ZC4H2: variants seen among roughly 807,000 people sequenced by gnomAD.
ZC4H2 encodes the protein zinc finger C4H2 domain-containing protein.
For missense variants in ZC4H2, 137 were observed against 173.9 expected, an observed-to-expected ratio of 0.79 and a Z score of 1.19; for synonymous variants, 84 against 66.3, an observed-to-expected ratio of 1.27 and a Z score of -1.30.
intron 1 of ZC4H2, among the ~76,000 whole-genome samples, chrX:65,028,311 A>G (rs1301801091): frequency 2.7e-5 from 3 of 111,995 alleles, no homozygotes; most frequent in African/African-American, 9.8e-5. Flanking sequence ...TCTAAGCATT[A>G]GAGATACAGC....
rs368386157 is a variant in ZC4H2 at position 64,933,406 on chromosome X, C to G, written c.54-11418G>C. ...TCCAATGCTGGGGAGCTAGTAGGAT[C>G]TTTTCAGGATGATTTAGAACCCTGT... On this transcript the variant is annotated intron_variant, in intron 1 of 4. Coordinates refer to ENST00000374839, the MANE Select transcript of ZC4H2 (RefSeq NM_018684.4). 1.5e-3 allele frequency among the ~76,000 whole-genome samples: 173 copies of G among 111,856 alleles called. 2 individuals carry two copies. The South Asian group carries it at 0.06, about 39-fold the overall frequency.
chrX:64,935,733 C>T (rs1274600892), intron 1 of ZC4H2, among the ~76,000 whole-genome samples: 1 of 111,781 alleles, frequency 8.9e-6, no homozygotes, highest in Non-Finnish European at 1.9e-5. Context: ...AGCAGAGGGG[C>T]CCGACTGTTA....
chrX:64,948,375 G>C (rs1930638769), intron 1 of ZC4H2, among the ~76,000 whole-genome samples: 1 of 111,456 alleles, frequency 9.0e-6, no homozygotes, highest in African/African-American at 3.3e-5. Flanking sequence ...ATTGGCTTCT[G>C]GATATTCATG....
chrX:64,964,039 G>A (rs752530221), intron 1 of ZC4H2, among the ~76,000 whole-genome samples: 2 of 110,445 alleles, frequency 1.8e-5, no homozygotes, highest in Admixed American at 1.9e-4. Context: ...CTGAAGGAGG[G>A]GGAAACGTAG....
chrX:65,006,272 C>A (rs1177884836), intron 1 of ZC4H2, among the ~76,000 whole-genome samples: 2 of 111,621 alleles, frequency 1.8e-5, no homozygotes, highest in East Asian at 2.8e-4. Flanking sequence ...ATATTTATTG[C>A]AGCACTATTT....
At chrX:64,989,235 GT>G (rs1218244472) in intron 1 of ZC4H2, among the ~76,000 whole-genome samples, 1 of 111,972 alleles carries the variant, frequency 8.9e-6, no homozygotes, top group Non-Finnish European at 1.9e-5. Flanking sequence ...CTTTAAAGTA[GT>G]TTTTTCCAAT....
chrX:64,958,046 C>T (rs1256718293), intron 1 of ZC4H2, among the ~76,000 whole-genome samples: 1 of 110,684 alleles, frequency 9.0e-6, no homozygotes, highest in Non-Finnish European at 1.9e-5. Context: ...CAGCCTGAAC[C>T]TGTTTTACAG....
chrX:64,941,491 C>T (rs1363754488), intron 1 of ZC4H2, among the ~76,000 whole-genome samples: 3 of 111,881 alleles, frequency 2.7e-5, no homozygotes, highest in Non-Finnish European at 5.6e-5. Flanking sequence ...GGGAATGCTT[C>T]CAGCTTTTGC....
intron 1 of ZC4H2, among the ~76,000 whole-genome samples, chrX:65,007,010 A>G (rs1171553388): frequency 8.9e-6 from 1 of 112,337 alleles, no homozygotes; most frequent in Admixed American, 9.4e-5. Flanking sequence ...TAAACCAGCT[A>G]TACTTTACTA....
rs779985934 is a variant in ZC4H2 at position 64,961,700 on chromosome X, G to T, written c.53+14625C>A. Among the ~76,000 whole-genome samples, 8 of 110,603 alleles carry T rather than the reference G, an allele frequency of 7.2e-5. No homozygotes were observed. In the South Asian group the frequency reaches 1.9e-3, roughly 26 times the overall value. On this transcript the variant is annotated intron_variant, in intron 1 of 4. Coordinates refer to ENST00000374839, the MANE Select transcript of ZC4H2 (RefSeq NM_018684.4). ...AGCTAGACTAAGAGAAAATAGAAAA[G>T]AATCAACTAATTGAAATCAGAGATG...
intron 1 of ZC4H2, among the ~76,000 whole-genome samples, chrX:64,983,434 C>T (rs1237156954): frequency 9.0e-6 from 1 of 111,480 alleles, no homozygotes; most frequent in Non-Finnish European, 1.9e-5. Context: ...TCCTATTATC[C>T]TCTAAATCAC....
At chrX:65,027,146 A>G (rs776931161) in intron 1 of ZC4H2, among the ~76,000 whole-genome samples, 3 of 112,404 alleles carry the variant, frequency 2.7e-5, no homozygotes, top group Admixed American at 9.5e-5. Flanking sequence ...GGTGATGCTC[A>G]GCACAGAATT....
chrX:64,992,617 C>T (rs1481973912), intron 1 of ZC4H2, among the ~76,000 whole-genome samples: 1 of 111,374 alleles, frequency 9.0e-6, no homozygotes, highest in Non-Finnish European at 1.9e-5. Context: ...TTCCCTAATT[C>T]GGACTTGCCT....
intron 1 of ZC4H2, among the ~76,000 whole-genome samples, chrX:64,942,979 C>G (rs1274862165): frequency 1.8e-5 from 2 of 112,284 alleles, no homozygotes; most frequent in African/African-American, 6.5e-5. Context: ...TCCACATCCT[C>G]TACTGCGTCT....
chrX:64,953,523 A>T (rs1930975810), intron 1 of ZC4H2, among the ~76,000 whole-genome samples: 1 of 112,417 alleles, frequency 8.9e-6, no homozygotes, highest in African/African-American at 3.2e-5. Flanking sequence ...ATATGAACAG[A>T]CACTTCTCAA....
chrX:64,951,797 T>G (rs972182544), intron 1 of ZC4H2, among the ~76,000 whole-genome samples: 1 of 111,158 alleles, frequency 9.0e-6, no homozygotes, highest in Non-Finnish European at 1.9e-5. Context: ...AGAAGCTCTT[T>G]AGTTTAATTA....
At chrX:64,982,727 C>T (rs1334997354) in intron 1 of ZC4H2, among the ~76,000 whole-genome samples, 11 of 111,508 alleles carry the variant, frequency 9.9e-5, no homozygotes, top group Non-Finnish European at 1.9e-4. Context: ...ATAGTAGAAG[C>T]GTTAGAGGGA....
chrX:64,928,196 C>A (rs1217064792), intron 1 of ZC4H2, among the ~76,000 whole-genome samples: 1 of 111,738 alleles, frequency 8.9e-6, no homozygotes, highest in Non-Finnish European at 1.9e-5. Flanking sequence ...AAGTCTTTGC[C>A]CATGCCTATG....
intron 1 of ZC4H2, among the ~76,000 whole-genome samples, chrX:64,996,315 A>G (rs1293071420): frequency 9.0e-6 from 1 of 111,214 alleles, no homozygotes; most frequent in Non-Finnish European, 1.9e-5. Context: ...AAAAATAGGA[A>G]AAGTAATGAA....
Sources: allele counts gnomAD v4.1 joint callset (sites outside exome capture counted in the v4.1 genomes callset), GRCh38; gene constraint gnomAD v4.1.1; transcripts MANE v1.5; gene names NCBI Gene and HGNC (gene_info 2026-07-23, HGNC 2026-07-21).